PDSS2: variants seen among roughly 807,000 people sequenced by gnomAD.
The protein encoded by PDSS2 is decaprenyl diphosphate synthase subunit 2.
PDSS2 carries 31 observed loss-of-function variants against 44.5 expected under a neutral mutation model. That is an observed-to-expected ratio of 0.70 (90% confidence interval 0.52 to 0.94). The LOEUF (loss-of-function observed/expected upper bound fraction) is 0.94, where lower values mean the gene tolerates loss of function less well. Ranked by LOEUF, PDSS2 falls within the 40% of genes least tolerant of loss-of-function variation. The pLI, the probability that PDSS2 is intolerant of heterozygous loss-of-function variation, is 0.00. For missense variants in PDSS2, 452 were observed against 482.2 expected (o/e 0.94, Z 0.59); for synonymous variants, 157 against 180.3 (o/e 0.87, Z 1.03).
At chr6:107,171,538 G>A (rs9400100) in intron 7 of PDSS2, among the ~76,000 whole-genome samples, 4,388 of 151,468 alleles carry the variant, frequency 0.029, 163 homozygotes, top group East Asian at 0.16. Flanking sequence ...TTGAGACAGC[G>A]TCTCACTCCA....
At chr6:107,233,396 C>T (rs566184346) in intron 4 of PDSS2, among the ~76,000 whole-genome samples, 1 of 152,238 alleles carries the variant, frequency 6.6e-6, no homozygotes, top group African/African-American at 2.4e-5. Context: ...CAGGAGTACT[C>T]AATATGCTAC....
chr6:107,357,496 G>A lies in PDSS2; in HGVS notation c.297-23164C>T, dbSNP rs1211544065. On this transcript the variant is annotated intron_variant, in intron 1 of 7. Transcript: ENST00000369037. ...CTTTCCTATTAAACTTTATTTGAAT[G>A]TAAAAAAAAATTGATGAATGACCTT... Among the ~76,000 whole-genome samples the A allele has an allele frequency of 2.7e-5, 4 of 149,174 alleles. No homozygotes were observed. In the South Asian group the frequency reaches 6.6e-4, roughly 25 times the overall value.
chr6:107,281,916 A>T (rs192726000), intron 2 of PDSS2, among the ~76,000 whole-genome samples: 145 of 151,938 alleles, frequency 9.5e-4, no homozygotes, highest in Admixed American at 6.6e-4. Flanking sequence ...TTATTTATTT[A>T]TTTTTTTGAG....
At chr6:107,409,977 C>T (rs1780438261) in intron 1 of PDSS2, among the ~76,000 whole-genome samples, 2 of 152,106 alleles carry the variant, frequency 1.3e-5, no homozygotes, top group African/African-American at 2.4e-5. Flanking sequence ...CAAGTTTTAA[C>T]TAGGCAAAGT....
At chr6:107,311,380 A>T (rs539812971) in intron 2 of PDSS2, among the ~76,000 whole-genome samples, 6 of 151,328 alleles carry the variant, frequency 4.0e-5, no homozygotes, top group African/African-American at 1.2e-4. Context: ...TTAATTTTTT[A>T]TTTTTTTGTA....
rs59602150 is a variant in PDSS2, at chr6:107,417,778, TACACACACACAC to T, written c.296+41200_296+41211del. ...CTATCTTCAAAAAAATTAATAATAATACACACACACACACACACACACACACACACACACACA... is the reference window on the plus strand; with the variant it reads ...CTATCTTCAAAAAAATTAATAATAATACACACACACACACACACACACACA... On this transcript the variant is annotated intron_variant, in intron 1 of 7. Transcript: ENST00000369037. 1.0e-3 allele frequency among the ~76,000 whole-genome samples: 152 copies of T among 147,048 alleles called. 3 individuals carry two copies. Among genetic ancestry groups the T allele is most frequent in the Middle Eastern group, 3.5e-3 (1 of 282 alleles).
At chr6:107,408,979 C>T (rs1479583015) in intron 1 of PDSS2, among the ~76,000 whole-genome samples, 1 of 152,160 alleles carries the variant, frequency 6.6e-6, no homozygotes, top group Non-Finnish European at 1.5e-5. Flanking sequence ...ATTCAAGTCA[C>T]GTAAAATAAA....
At chr6:107,312,501 C>G (rs537699860) in intron 2 of PDSS2, among the ~76,000 whole-genome samples, 1 of 152,150 alleles carries the variant, frequency 6.6e-6, no homozygotes, top group African/African-American at 2.4e-5. Context: ...AATTACTTCA[C>G]CTCTGTGTGC....
chr6:107,329,022 CT>C (rs1366592180), intron 2 of PDSS2, among the ~76,000 whole-genome samples: 1 of 152,228 alleles, frequency 6.6e-6, no homozygotes, highest in East Asian at 1.9e-4. Context: ...TGCTTTCCCT[CT>C]CAGCTTTTGC....
At chr6:107,436,891 A>T (rs921426323) in intron 1 of PDSS2, among the ~76,000 whole-genome samples, 1 of 152,208 alleles carries the variant, frequency 6.6e-6, no homozygotes, top group Non-Finnish European at 1.5e-5. Flanking sequence ...TTGAAAACAA[A>T]ATTTATTCAA....
intron 1 of PDSS2, among the ~76,000 whole-genome samples, chr6:107,415,688 C>T (rs1038921956): frequency 1.3e-5 from 2 of 152,206 alleles, no homozygotes; most frequent in African/African-American, 4.8e-5. Context: ...CACCTTAGCT[C>T]TACTTCAATG....
chr6:107,219,324 G>A (rs937109056), intron 4 of PDSS2, among the ~76,000 whole-genome samples: 1 of 152,044 alleles, frequency 6.6e-6, no homozygotes, highest in African/African-American at 2.4e-5. Flanking sequence ...GTCTTGCTCT[G>A]TCACCCAGGC....
At chr6:107,247,162 C>T (rs995766988) in intron 3 of PDSS2, among the ~76,000 whole-genome samples, 2 of 152,188 alleles carry the variant, frequency 1.3e-5, no homozygotes, top group Non-Finnish European at 2.9e-5. Context: ...CCCAAGATCC[C>T]CCTGATGGCT....
In PDSS2 at chr6:107,415,317, T is replaced by A. The variant is rs559800451; in HGVS notation, c.296+43673A>T. Among the ~76,000 whole-genome samples, 7 of 151,718 alleles carry A rather than the reference T, an allele frequency of 4.6e-5. No individual in the cohort carries two copies. The East Asian group carries it at 7.8e-4, about 17-fold the overall frequency. On this transcript the variant is annotated intron_variant, in intron 1 of 7. Coordinates refer to ENST00000369037, the MANE Select transcript of PDSS2 (RefSeq NM_020381.4). ...TTAACACAATTTGGAACAAAAAAAATTTTTTTTTGTTAATCATAGCACTAA... is the reference window on the plus strand; with the variant it reads ...TTAACACAATTTGGAACAAAAAAAAATTTTTTTTGTTAATCATAGCACTAA...
intron 2 of PDSS2, among the ~76,000 whole-genome samples, chr6:107,309,823 A>G (rs910094336): frequency 1.3e-5 from 2 of 152,230 alleles, no homozygotes; most frequent in African/African-American, 4.8e-5. Flanking sequence ...TATGAATTAC[A>G]AACATTTCTT....
chr6:107,262,045 A>T (rs1350479458), intron 3 of PDSS2, among the ~76,000 whole-genome samples: 1 of 150,070 alleles, frequency 6.7e-6, no homozygotes, highest in Non-Finnish European at 1.5e-5. Context: ...AGTAGCTGGG[A>T]CTACAGGCGC....
intron 1 of PDSS2, among the ~76,000 whole-genome samples, chr6:107,360,765 C>T (rs1778747771): frequency 6.6e-6 from 1 of 152,194 alleles, no homozygotes; most frequent in Non-Finnish European, 1.5e-5. Context: ...GGGATGCCTA[C>T]AGGCTGAAAA....
At chr6:107,174,574 T>C (rs1367721502) in intron 7 of PDSS2, among the ~76,000 whole-genome samples, 16 of 152,260 alleles carry the variant, frequency 1.1e-4, no homozygotes, top group Admixed American at 9.8e-4. Flanking sequence ...AGCTTCTGAG[T>C]GGCAAGACTT....
chr6:107,459,514 G>C lies in PDSS2; in HGVS notation c.-229C>G, dbSNP rs1206904623. 3 of 575,646 alleles carry C rather than the reference G, an allele frequency of 5.2e-6. No homozygotes were observed. In the Admixed American group the frequency reaches 9.5e-5, roughly 18 times the overall value. 35.7% of individuals were successfully genotyped at this position (575,646 alleles called of 1,614,324 possible). ...GCTCAGCACTGCCCCCGGCCACCCG[G>C]GGTAGAAACCACAGCCACTGCCTAT... On this transcript the variant is annotated 5_prime_UTR_variant, in exon 1 of 8. Transcript: ENST00000369037. This position sits in a 1 kb window ranked among gnomAD's most constrained non-coding sequence, Gnocchi z 4.3.
Sources: allele counts gnomAD v4.1 joint callset (sites outside exome capture counted in the v4.1 genomes callset), GRCh38; gene constraint gnomAD v4.1.1; non-coding constraint Gnocchi (gnomAD v3.1); transcripts MANE v1.5; gene names NCBI Gene and HGNC (gene_info 2026-07-23, HGNC 2026-07-21).